FAM135B: variants seen among roughly 807,000 people sequenced by gnomAD.
The protein encoded by FAM135B is protein FAM135B.
Under a neutral mutation model 127.7 loss-of-function variants are expected in FAM135B, and 43 were observed. The ratio of observed to expected loss-of-function variants is 0.34; its 90% CI spans 0.26 to 0.43. The LOEUF (loss-of-function observed/expected upper bound fraction) is 0.43, where lower values mean the gene tolerates loss of function less well. Among genes scored for constraint, FAM135B ranks in the 20% least tolerant of loss-of-function variants. FAM135B has a pLI of 1.00. For synonymous variants in FAM135B, 670 were observed against 665.1 expected, an observed-to-expected ratio of 1.01 and a Z score of -0.11; for missense variants, 1,558 against 1,725.6, an observed-to-expected ratio of 0.90 and a Z score of 1.72.
intron 1 of FAM135B, among the ~76,000 whole-genome samples, chr8:138,461,950 G>C (rs1262743698): frequency 2.0e-5 from 3 of 151,794 alleles, no homozygotes; most frequent in Non-Finnish European, 4.4e-5. Context: ...CTGCCCGAAT[G>C]ACACAGATGA....
chr8:138,218,782 G>C (rs1444270201), intron 7 of FAM135B, among the ~76,000 whole-genome samples: 138 of 40,628 alleles, frequency 3.4e-3, no homozygotes, highest in African/African-American at 8.8e-3. Context: ...GAGAGAGAGA[G>C]AGAGAGAGAG....
At chr8:138,411,722 T>C (rs1833877328) in intron 1 of FAM135B, among the ~76,000 whole-genome samples, 1 of 152,114 alleles carries the variant, frequency 6.6e-6, no homozygotes, top group African/African-American at 2.4e-5. Flanking sequence ...GGAGAAAATT[T>C]TCGCAACCTA....
intron 1 of FAM135B, among the ~76,000 whole-genome samples, chr8:138,429,879 G>T (rs1293011690): frequency 6.6e-6 from 1 of 152,136 alleles, no homozygotes; most frequent in African/African-American, 2.4e-5. Context: ...ACTGGAGAAA[G>T]AAACTGACTG....
chr8:138,350,008 C>T (rs968570438), intron 2 of FAM135B, among the ~76,000 whole-genome samples: 18 of 152,224 alleles, frequency 1.2e-4, no homozygotes, highest in Admixed American at 7.2e-4. Flanking sequence ...TGGACTCTAT[C>T]GTTATTCTCC....
chr8:138,155,440 T>A (rs2130811050), intron 12 of FAM135B, among the ~76,000 whole-genome samples: 1 of 152,210 alleles, frequency 6.6e-6, no homozygotes. Flanking sequence ...AATTCACACA[T>A]AAGAATATTA....
At chr8:138,326,921 C>T (rs1827828658) in intron 2 of FAM135B, among the ~76,000 whole-genome samples, 1 of 152,056 alleles carries the variant, frequency 6.6e-6, no homozygotes, top group Admixed American at 6.6e-5. Context: ...ATAATTATGA[C>T]ATTCATATGT....
intron 7 of FAM135B, among the ~76,000 whole-genome samples, chr8:138,218,516 G>A (rs182888947): frequency 1.5e-4 from 23 of 152,222 alleles, no homozygotes; most frequent in Middle Eastern, 3.4e-3. Context: ...GATTCCTGGC[G>A]TCTCAGATCC....
chr8:138,175,046 G>A (rs1421775890), intron 11 of FAM135B, among the ~76,000 whole-genome samples: 4 of 152,122 alleles, frequency 2.6e-5, no homozygotes. Flanking sequence ...AAAAAAATTA[G>A]ATATAAGAAG....
At chr8:138,253,514 C>T (rs2130513337) in intron 5 of FAM135B, among the ~76,000 whole-genome samples, 1 of 152,282 alleles carries the variant, frequency 6.6e-6, no homozygotes, top group Admixed American at 6.5e-5. Context: ...ATCCTGTCTG[C>T]TTCACACCAT....
At chr8:138,344,468 G>T (rs1182295210) in intron 2 of FAM135B, among the ~76,000 whole-genome samples, 2 of 151,870 alleles carry the variant, frequency 1.3e-5, no homozygotes, top group Non-Finnish European at 2.9e-5. Context: ...CCTGCGCTTG[G>T]CTATTTCTTA....
chr8:138,248,746 G>C (rs904987515), intron 6 of FAM135B, among the ~76,000 whole-genome samples: 4 of 150,166 alleles, frequency 2.7e-5, no homozygotes, highest in Non-Finnish European at 5.9e-5. Flanking sequence ...CTTGAGCCCA[G>C]TTGGCAGAGG....
chr8:138,322,114 C>T (rs1194956047), intron 2 of FAM135B, among the ~76,000 whole-genome samples: 3 of 152,186 alleles, frequency 2.0e-5, no homozygotes, highest in East Asian at 3.9e-4. Context: ...TTAAAGTATA[C>T]ACTGTGATAT....
intron 1 of FAM135B, among the ~76,000 whole-genome samples, chr8:138,399,798 A>G (rs1256240134): frequency 1.3e-5 from 2 of 152,200 alleles, no homozygotes; most frequent in East Asian, 3.9e-4. Flanking sequence ...TTTCTGGTGA[A>G]GAATCACATT....
chr8:138,194,291 C>T (rs1304459196), intron 9 of FAM135B, among the ~76,000 whole-genome samples: 2 of 152,184 alleles, frequency 1.3e-5, no homozygotes, highest in Non-Finnish European at 2.9e-5. Flanking sequence ...AGGCTCCCAA[C>T]ACCCTCCTCT....
intron 1 of FAM135B, among the ~76,000 whole-genome samples, chr8:138,487,004 T>G (rs2131689576): frequency 6.6e-6 from 1 of 152,254 alleles, no homozygotes; most frequent in Middle Eastern, 3.4e-3. Context: ...CTAGGGTACA[T>G]GTGCACAACG....
chr8:138,485,318 T>G (rs979502946), intron 1 of FAM135B, among the ~76,000 whole-genome samples: 3 of 151,804 alleles, frequency 2.0e-5, no homozygotes, highest in Non-Finnish European at 4.4e-5. Context: ...GGTCCCAGAG[T>G]CTTCCCTAAT....
intron 1 of FAM135B, among the ~76,000 whole-genome samples, chr8:138,436,632 C>T (rs1162156461): frequency 1.3e-5 from 2 of 152,198 alleles, no homozygotes; most frequent in Non-Finnish European, 2.9e-5. Context: ...AATCTTTACA[C>T]AGCATGTCAA....
intron 2 of FAM135B, among the ~76,000 whole-genome samples, chr8:138,340,786 T>C (rs1267839524): frequency 1.3e-5 from 2 of 152,156 alleles, no homozygotes; most frequent in Admixed American, 1.3e-4. Context: ...CTCAACTCTC[T>C]CTGTGCCTCG....
At chr8:138,469,608 T>C (rs376362751) in intron 1 of FAM135B, among the ~76,000 whole-genome samples, 1 of 152,184 alleles carries the variant, frequency 6.6e-6, no homozygotes, top group East Asian at 1.9e-4. Context: ...TTACAGAGAT[T>C]GCTGCCAAGA....
Sources: allele counts gnomAD v4.1 joint callset (sites outside exome capture counted in the v4.1 genomes callset), GRCh38; gene constraint gnomAD v4.1.1; transcripts MANE v1.5; gene names NCBI Gene and HGNC (gene_info 2026-07-23, HGNC 2026-07-21).